The following REV3L variants were observed in gnomAD, a reference collection of about 807,000 sequenced individuals.
REV3L encodes the protein DNA polymerase zeta catalytic subunit.
Under a neutral mutation model 299.4 loss-of-function variants are expected in REV3L, and 69 were observed. The observed-to-expected ratio is 0.23, with a 90% CI of 0.19 to 0.28. REV3L has a LOEUF of 0.28. Ranked by LOEUF, REV3L falls within the 10% of genes least tolerant of loss-of-function variation. REV3L has a pLI of 1.00. For missense variants in REV3L, 3,128 were observed against 3,693.8 expected (o/e 0.85, Z 3.97); for synonymous variants, 1,238 against 1,271.4 (o/e 0.97, Z 0.56).
chr6:111,482,089 C>A (rs1583163626), intron 1 of REV3L, among the ~76,000 whole-genome samples: 1 of 152,168 alleles, frequency 6.6e-6, no homozygotes, highest in Non-Finnish European at 1.5e-5. Flanking sequence ...GAAAGCACTG[C>A]ACCTAAGGAT....
chr6:111,417,384 AG>A (rs1218860278), intron 1 of REV3L, among the ~76,000 whole-genome samples: 2 of 152,190 alleles, frequency 1.3e-5, no homozygotes, highest in African/African-American at 4.8e-5. Context: ...CTGTCCTCAG[AG>A]CATTGTCCCT....
At position 111,376,323 on chromosome 6, in the gene REV3L, A is replaced by G. The variant is rs372583604; in HGVS notation, c.2032T>C (p.Tyr678His). 13 of 1,613,206 alleles carry G rather than the reference A, an allele frequency of 8.1e-6. No individual in the cohort carries two copies. In the South Asian group the frequency reaches 1.4e-4, roughly 18 times the overall value. Residue 678 changes from tyrosine to histidine, a missense_variant, in exon 13 of 32, where the codon TAT (tyrosine) becomes CAT (histidine). Around this residue, in one of 9 missense-constraint regions of REV3L, gnomAD observed 2,409 missense variants for 2,611.8 expected, o/e 0.92. Coordinates refer to ENST00000368802, the MANE Select transcript of REV3L (RefSeq NM_001372078.1). ...TTTTCGATTTTTCTAATGTTTGTAT[A>G]TTTTCTACTTGGTACTTGTCTTGTA... ...SVTRQVPSRKYTNIRKIEKDS... is the reference protein window; with the variant it reads ...SVTRQVPSRKHTNIRKIEKDS...
chr6:111,354,012 A>C (rs1777835862), intron 18 of REV3L: 1 of 152,162 alleles, frequency 6.6e-6, no homozygotes, highest in Admixed American at 6.5e-5. Context: ...AACAGAACCC[A>C]CACAGTTGTC....
intron 1 of REV3L, among the ~76,000 whole-genome samples, chr6:111,465,745 C>CAAAAAAAAAAACAAACAAACAAAA (rs1562355432): frequency 2.6e-5 from 2 of 76,862 alleles, no homozygotes; most frequent in African/African-American, 5.4e-5. Flanking sequence ...AAACAAAAAC[C>CAAAAAAAAAAACAAACAAACAAAA]AAAAAAAAAA....
chr6:111,416,507 GAC>G (rs1289886448), intron 1 of REV3L, 35 bp from the exon 2 acceptor site: 1 of 1,518,092 alleles, frequency 6.6e-7, no homozygotes, highest in Non-Finnish European at 9.0e-7. Context: ...TTAGTTTCCA[GAC>G]ACAGTTTAAC....
chr6:111,308,326 T>C (rs565870165), intron 30 of REV3L: 1 of 446,654 alleles, frequency 2.2e-6, no homozygotes, highest in East Asian at 7.1e-5. Flanking sequence ...TGAACATTAG[T>C]AATAAAGAAT....
chr6:111,417,601 G>C (rs1452102918), intron 1 of REV3L, among the ~76,000 whole-genome samples: 1 of 151,994 alleles, frequency 6.6e-6, no homozygotes, highest in African/African-American at 2.4e-5. Context: ...GTAAATATTT[G>C]TTTGATCACT....
Position 111,388,037 on chromosome 6 carries a change from C to T in REV3L, c.911G>A (p.Arg304Lys). 6.2e-7 allele frequency: 1 copy of T among 1,612,858 alleles called. No homozygotes were observed. Among genetic ancestry groups the T allele is most frequent in the Non-Finnish European group, 8.5e-7 (1 of 1,179,536 alleles). Residue 304 changes from arginine to lysine, a missense_variant, in exon 8 of 32, where the codon AGA becomes AAA. Physicochemically the swap from Arg to Lys is conservative, Grantham distance 26. This residue lies in a region of REV3L where 2,409 missense variants were observed against 2,611.8 expected (regional missense o/e 0.92). Transcript: ENST00000368802. ...ATTCTGTTTGAGAATTTCCTGAAGT[C>T]TCTTCTGAAATTTTTTTTCACTTTC... ...ATESEKKFQK[R>K]LQEILKQNDF...
chr6:111,400,793 TG>T (rs1436368952), intron 4 of REV3L, among the ~76,000 whole-genome samples: 1 of 152,334 alleles, frequency 6.6e-6, no homozygotes, highest in Non-Finnish European at 1.5e-5. Context: ...AACCCAAGAC[TG>T]GGTACATTTT....
Position 111,377,664 on chromosome 6 carries a change from G to A in REV3L, c.1597+37C>T, listed in dbSNP as rs373676964. On this transcript the variant is annotated intron_variant, in intron 12 of 31. Transcript: ENST00000368802. ...AAAATCAAATACATTTTTAGATCGT[G>A]AATAACCAATTTCTCACAGTAGACT... 1.0e-5 allele frequency: 16 copies of A among 1,591,026 alleles called. No individual in the cohort carries two copies. The African/African-American group carries it at 2.0e-4, about 20-fold the overall frequency.
chr6:111,390,877 A>G (rs976409748), intron 5 of REV3L, among the ~76,000 whole-genome samples: 1 of 152,138 alleles, frequency 6.6e-6, no homozygotes, highest in Non-Finnish European at 1.5e-5. Context: ...GAAGATAAAG[A>G]AGACACCACA....
rs1053816753 is a variant in REV3L at position 111,380,364 on chromosome 6, A to C, written c.1217-145T>G. The C allele has an allele frequency of 4.9e-6, 3 of 608,066 alleles. No individual in the cohort carries two copies. In the South Asian group the frequency reaches 6.2e-5, roughly 13 times the overall value. The allele number at this position is 608,066 out of a possible 1,614,324, so 37.7% of individuals were successfully genotyped here. A position where few individuals can be genotyped will look rare whatever the true frequency, so the allele number is the denominator to read the frequency against. On this transcript the variant is annotated intron_variant, in intron 10 of 31. Transcript: ENST00000368802. ...AAGCTCTGCCTCCTGGGTTCATGCC[A>C]TTCTCCTGCCTCAGCCTCCCGAGTA... is the stretch of plus-strand genomic sequence containing the variant.
chr6:111,381,162 A>C lies in REV3L; in HGVS notation c.1216+163T>G, dbSNP rs114694051. Among the ~76,000 whole-genome samples the C allele has an allele frequency of 2.2e-3, 331 of 152,338 alleles. 1 individual carries two copies. The highest frequency in any genetic ancestry group is 7.5e-3 in the African/African-American group (312 of 41,572). ...TTTAAGCTGTATAGAAAAAAAGCAA[A>C]GCTACTTGATTTAATGCAAGGTTTC... On this transcript the variant is annotated intron_variant, in intron 10 of 31. Coordinates refer to ENST00000368802, the MANE Select transcript of REV3L (RefSeq NM_001372078.1).
At chr6:111,315,912 T>C (rs749220334) in intron 26 of REV3L, among the ~76,000 whole-genome samples, 11 of 152,188 alleles carry the variant, frequency 7.2e-5, no homozygotes, top group Non-Finnish European at 1.3e-4. Context: ...AAAATTGTCT[T>C]CCATGAAACC....
chr6:111,448,483 G>A (rs914010429), intron 1 of REV3L, among the ~76,000 whole-genome samples: 9 of 151,694 alleles, frequency 5.9e-5, no homozygotes, highest in Admixed American at 2.0e-4. Flanking sequence ...CACAGGCACC[G>A]GCCACCACAC....
At position 111,373,055 on chromosome 6, in the gene REV3L, G is replaced by A. The variant is rs780784439; in HGVS notation, c.5300C>T (p.Ala1767Val). The stretch of plus-strand genomic sequence containing the variant: ...AGATTTTTCACTTAGACAGTCTTCT[G>A]CCTGCTGAACACAGAAAGAATCCAT... ...SIMDSFCVQQ[A>V]EDCLSEKSRL... is the part of the protein sequence containing the mutation. The change falls in exon 13 of 32, where the codon GCA becomes GTA. Residue 1767 changes from alanine (A) to valine (V), a missense_variant. By Grantham distance (64) the Ala-to-Val change is moderately conservative. Coordinates refer to ENST00000368802, the MANE Select transcript of REV3L (RefSeq NM_001372078.1). 1.1e-5 allele frequency: 18 copies of A among 1,614,120 alleles called. No homozygotes were observed. The highest frequency in any genetic ancestry group is 1.4e-5 in the Non-Finnish European group (17 of 1,180,002).
chr6:111,353,204 C>A (rs1255759723), intron 18 of REV3L, among the ~76,000 whole-genome samples: 1 of 152,176 alleles, frequency 6.6e-6, no homozygotes, highest in Non-Finnish European at 1.5e-5. Flanking sequence ...TCTATGGCTA[C>A]TCTGCAAGTC....
Position 111,373,934 on chromosome 6 carries a change from T to C in REV3L, c.4421A>G (p.Gln1474Arg). The C allele has an allele frequency of 6.2e-7, 1 of 1,614,130 alleles. No homozygotes were observed. Among genetic ancestry groups the C allele is most frequent in the Non-Finnish European group, 8.5e-7 (1 of 1,179,984 alleles). The change falls in exon 13 of 32, where the codon CAA (glutamine) becomes CGA (arginine). Residue 1474 changes from glutamine (Q) to arginine (R), a missense_variant. Transcript: ENST00000368802. Reference protein sequence around the residue: ...RSPIKQIAWEQKQRGFILDMS... With the variant: ...RSPIKQIAWERKQRGFILDMS... ...ATCTAAAATAAAGCCCCTTTGCTTT[T>C]GCTCCCATGCTATTTGTTTGATTGG... is the stretch of plus-strand genomic sequence containing the variant.
rs17539378 is a variant in REV3L, at chr6:111,403,323, A to T, written c.565+2147T>A. On this transcript the variant is annotated intron_variant, in intron 4 of 31. Transcript: ENST00000368802. Reference sequence around the variant, plus strand: ...TCTGAATTTGTGGTGATGGTTGCATAACTCCAAATACAGGAATACCCCATT... The same window carrying T: ...TCTGAATTTGTGGTGATGGTTGCATTACTCCAAATACAGGAATACCCCATT... Among the ~76,000 whole-genome samples, 98 of 152,344 alleles carry T rather than the reference A, an allele frequency of 6.4e-4. No homozygotes were observed. In the East Asian group the frequency reaches 0.017, roughly 26 times the overall value.
Sources: gnomAD v4.1 joint callset for allele counts (sites outside exome capture counted in the v4.1 genomes callset) on GRCh38, gnomAD v4.1.1 for gene constraint, gnomAD v4.1.1 regional missense constraint, MANE v1.5 for transcripts, NCBI Gene and HGNC (gene_info 2026-07-23, HGNC 2026-07-21) for gene names.